The following KCNIP3 variants were observed in gnomAD, a reference collection of about 807,000 sequenced individuals.
KCNIP3 encodes the protein potassium voltage-gated channel interacting protein 3, also known as calsenilin.
KCNIP3 carries 28 observed loss-of-function variants against 35.0 expected under a neutral mutation model. That is an observed-to-expected ratio of 0.80 (90% confidence interval 0.59 to 1.10). The LOEUF (loss-of-function observed/expected upper bound fraction) is 1.10, where lower values mean the gene tolerates loss of function less well. Among genes scored for constraint, KCNIP3 ranks in the 50% least tolerant of loss-of-function variants. The pLI is 0.00. For synonymous variants in KCNIP3, 134 were observed against 133.8 expected, an observed-to-expected ratio of 1.00 and a Z score of -0.01; for missense variants, 295 against 338.4, an observed-to-expected ratio of 0.87 and a Z score of 1.01.
intron 2 of KCNIP3, among the ~76,000 whole-genome samples, chr2:95,339,181 T>G (rs1679132836): frequency 6.6e-6 from 1 of 152,214 alleles, no homozygotes; most frequent in South Asian, 2.1e-4. Flanking sequence ...CCCTCTCTTC[T>G]TCCTCTTCTA....
At chr2:95,328,184 T>G (rs1678839578) in intron 2 of KCNIP3, among the ~76,000 whole-genome samples, 1 of 151,896 alleles carries the variant, frequency 6.6e-6, no homozygotes, top group South Asian at 2.1e-4. Context: ...TCCCCAGGAC[T>G]GGGAAAATGG....
At chr2:95,362,025 C>T (rs1489920581) in intron 2 of KCNIP3, among the ~76,000 whole-genome samples, 4 of 152,050 alleles carry the variant, frequency 2.6e-5, no homozygotes, top group African/African-American at 9.7e-5. Flanking sequence ...GGTGTGCTGA[C>T]GGCTGCCTTC....
At chr2:95,332,339 CT>C (rs559978208) in intron 2 of KCNIP3, among the ~76,000 whole-genome samples, 68 of 152,404 alleles carry the variant, frequency 4.5e-4, no homozygotes, top group East Asian at 1.9e-3. Flanking sequence ...TCTGGCCCGC[CT>C]TGGTGGCTCA....
chr2:95,381,780 C>T, intron 6 of KCNIP3, 77 bp downstream of exon 6: 1 of 980,454 alleles, frequency 1.0e-6, no homozygotes, highest in Admixed American at 1.8e-5. Flanking sequence ...TCTTCCTCTC[C>T]CTGCTCCTGC....
chr2:95,353,905 T>C (rs1030562138), intron 2 of KCNIP3, among the ~76,000 whole-genome samples: 6 of 152,172 alleles, frequency 3.9e-5, no homozygotes, highest in Non-Finnish European at 4.4e-5. Context: ...GGGGAGGTGC[T>C]ACTGGCATCT....
chr2:95,383,752 G>A (rs1024580161), intron 8 of KCNIP3, among the ~76,000 whole-genome samples: 8 of 152,226 alleles, frequency 5.3e-5, no homozygotes, highest in African/African-American at 1.9e-4. Context: ...GAGGCCAGCC[G>A]GGATCGCCTT....
intron 2 of KCNIP3, among the ~76,000 whole-genome samples, chr2:95,334,423 G>T (rs755837500): frequency 6.6e-6 from 1 of 152,188 alleles, no homozygotes; most frequent in Non-Finnish European, 1.5e-5. Flanking sequence ...GGCTCAAGGA[G>T]GTGCGAAGCC....
intron 2 of KCNIP3, among the ~76,000 whole-genome samples, chr2:95,326,327 C>T (rs1678790501): frequency 6.6e-6 from 1 of 152,080 alleles, no homozygotes; most frequent in Admixed American, 6.5e-5. Flanking sequence ...CACGTGTAAA[C>T]ACATATACTC....
intron 2 of KCNIP3, among the ~76,000 whole-genome samples, chr2:95,341,255 T>A (rs1218022038): frequency 6.6e-6 from 1 of 152,198 alleles, no homozygotes; most frequent in Non-Finnish European, 1.5e-5. Context: ...CCCCTCACTC[T>A]CTTTCTTGCT....
intron 1 of KCNIP3, chr2:95,303,527 C>G (rs919887952): frequency 1.3e-5 from 2 of 152,286 alleles, no homozygotes; most frequent in African/African-American, 4.8e-5. Context: ...TAGAGTAGGT[C>G]CTGAGTACCT....
chr2:95,334,032 C>A (rs1678996738), intron 2 of KCNIP3, among the ~76,000 whole-genome samples: 1 of 152,224 alleles, frequency 6.6e-6, no homozygotes, highest in African/African-American at 2.4e-5. Context: ...CCCAAGACAC[C>A]CTTGGGCCCT....
intron 2 of KCNIP3, among the ~76,000 whole-genome samples, chr2:95,335,579 G>A (rs1416392498): frequency 1.3e-5 from 2 of 152,116 alleles, no homozygotes; most frequent in African/African-American, 4.8e-5. Flanking sequence ...CCACACCATA[G>A]CAGATGTACC....
rs538104513 is a variant in KCNIP3 at position 95,355,665 on chromosome 2, G to A, written c.182-18631G>A. 1.2e-4 allele frequency among the ~76,000 whole-genome samples: 19 copies of A among 152,280 alleles called. No individual in the cohort carries two copies. In the East Asian group the frequency reaches 2.9e-3, roughly 23 times the overall value. The stretch of plus-strand genomic sequence containing the variant: ...CCAGCTTCATCCATGTCCCTGCAAA[G>A]GACATGAACTCATCCTTTTTTATGG... On this transcript the variant is annotated intron_variant, in intron 2 of 8. Coordinates refer to ENST00000295225, the MANE Select transcript of KCNIP3 (RefSeq NM_013434.5).
intron 2 of KCNIP3, among the ~76,000 whole-genome samples, chr2:95,363,200 A>G (rs1204200869): frequency 1.3e-5 from 2 of 152,196 alleles, no homozygotes; most frequent in African/African-American, 2.4e-5. Context: ...CCAGAATCTT[A>G]GGTTAACAGG....
intron 1 of KCNIP3, among the ~76,000 whole-genome samples, chr2:95,307,650 C>T (rs1408065473): frequency 1.3e-5 from 2 of 152,218 alleles, no homozygotes; most frequent in Admixed American, 6.5e-5. Flanking sequence ...ATGGGATCTC[C>T]CGCACGACCT....
chr2:95,334,613 T>C (rs1191841178), intron 2 of KCNIP3, among the ~76,000 whole-genome samples: 1 of 152,220 alleles, frequency 6.6e-6, no homozygotes, highest in Non-Finnish European at 1.5e-5. Flanking sequence ...GAGCTACAGC[T>C]GGCCTTACCC....
chr2:95,343,461 G>T (rs1464988399), intron 2 of KCNIP3, among the ~76,000 whole-genome samples: 1 of 152,144 alleles, frequency 6.6e-6, no homozygotes, highest in African/African-American at 2.4e-5. Context: ...CCCCACTCCG[G>T]AGAGTTGGGA....
At chr2:95,299,385 G>T (rs1677961123) in intron 1 of KCNIP3, among the ~76,000 whole-genome samples, 1 of 152,228 alleles carries the variant, frequency 6.6e-6, no homozygotes, top group Non-Finnish European at 1.5e-5. Flanking sequence ...TGTAGTCAGA[G>T]CTCAGGTTGG....
intron 2 of KCNIP3, among the ~76,000 whole-genome samples, chr2:95,326,126 CTT>C (rs896943293): frequency 3.0e-4 from 45 of 152,046 alleles, no homozygotes; most frequent in African/African-American, 8.7e-4. Flanking sequence ...TACACGCACA[CTT>C]ATAAAGTCAG....
Sources: allele counts gnomAD v4.1 joint callset (sites outside exome capture counted in the v4.1 genomes callset), GRCh38; gene constraint gnomAD v4.1.1; transcripts MANE v1.5; gene names NCBI Gene and HGNC (gene_info 2026-07-23, HGNC 2026-07-21).